The following KCNMB2 variants were observed in gnomAD, a reference collection of about 807,000 sequenced individuals.
KCNMB2 encodes the protein potassium calcium-activated channel subfamily M regulatory beta subunit 2, also known as calcium-activated potassium channel subunit beta-2.
A neutral mutation model predicts 24.5 loss-of-function variants in KCNMB2; 9 were observed. The ratio of observed to expected loss-of-function variants is 0.37; its 90% confidence interval spans 0.22 to 0.64. The LOEUF (loss-of-function observed/expected upper bound fraction) is 0.64, where lower values mean the gene tolerates loss of function less well. Among genes scored for constraint, KCNMB2 ranks in the 30% least tolerant of loss-of-function variants. KCNMB2 has a pLI of 0.63. For synonymous variants in KCNMB2, 109 were observed against 104.4 expected (o/e 1.04, Z -0.27); for missense variants, 226 against 284.3 (o/e 0.79, Z 1.47).
At position 178,607,651 on chromosome 3, in the gene KCNMB2, GTA is replaced by G. The variant is rs201032340; in HGVS notation, c.-68+70942_-68+70943del. Among the ~76,000 whole-genome samples, 1,194 of 148,376 alleles carry G rather than the reference GTA, an allele frequency of 8.0e-3. 16 individuals are homozygous for G. The highest frequency in any genetic ancestry group is 0.03 in the African/African-American group (1,142 of 37,970). On this transcript the variant is annotated intron_variant, in intron 1 of 4. Transcript: ENST00000452583. ...TGCGTGTGTGTGTGTGTGTGTGTGT[GTA>G]TGTGTGCATAAACACATACAAGTTT...
intron 4 of KCNMB2, among the ~76,000 whole-genome samples, chr3:178,833,224 G>C (rs1276033538): frequency 6.6e-6 from 1 of 152,030 alleles, no homozygotes; most frequent in Non-Finnish European, 1.5e-5. Context: ...AAGTGAATAG[G>C]GGAATTATCA....
At chr3:178,700,494 C>T (rs530453191) in intron 1 of KCNMB2, among the ~76,000 whole-genome samples, 4 of 152,324 alleles carry the variant, frequency 2.6e-5, no homozygotes, top group African/African-American at 9.6e-5. Context: ...ACTTTTCAGG[C>T]CATACAGTGA....
At chr3:178,705,502 G>C (rs1287837948) in intron 1 of KCNMB2, among the ~76,000 whole-genome samples, 1 of 152,116 alleles carries the variant, frequency 6.6e-6, no homozygotes, top group Non-Finnish European at 1.5e-5. Flanking sequence ...TAATATAAAT[G>C]AGAGAGTAGG....
intron 1 of KCNMB2, among the ~76,000 whole-genome samples, chr3:178,717,748 A>G (rs951907496): frequency 3.3e-5 from 5 of 152,182 alleles, no homozygotes; most frequent in African/African-American, 1.2e-4. Flanking sequence ...CAGGCACTCT[A>G]CTAGAGTAGT....
chr3:178,702,995 G>GA (rs1722154286), intron 1 of KCNMB2, among the ~76,000 whole-genome samples: 2 of 152,154 alleles, frequency 1.3e-5, no homozygotes, highest in Non-Finnish European at 2.9e-5. Flanking sequence ...GACAAGAGGA[G>GA]AAGGATGAAG....
chr3:178,636,395 C>G (rs568642948), intron 1 of KCNMB2, among the ~76,000 whole-genome samples: 1 of 151,616 alleles, frequency 6.6e-6, no homozygotes, highest in Non-Finnish European at 1.5e-5. Flanking sequence ...CAATAACTTA[C>G]GAAAAAAATA....
At chr3:178,602,314 T>C (rs1263934703) in intron 1 of KCNMB2, among the ~76,000 whole-genome samples, 1 of 152,132 alleles carries the variant, frequency 6.6e-6, no homozygotes, top group East Asian at 1.9e-4. Flanking sequence ...CAAAAAAATA[T>C]ATATATCGAT....
At chr3:178,634,934 C>A (rs773394276) in intron 1 of KCNMB2, among the ~76,000 whole-genome samples, 2 of 152,220 alleles carry the variant, frequency 1.3e-5, no homozygotes, top group Non-Finnish European at 1.5e-5. Context: ...ATAGAGGCAA[C>A]ATGGGGTGCA....
chr3:178,561,331 C>T (rs1245583348), intron 1 of KCNMB2, among the ~76,000 whole-genome samples: 2 of 152,150 alleles, frequency 1.3e-5, no homozygotes, highest in East Asian at 3.8e-4. Context: ...AGCACATGAT[C>T]CCCTTTGCTA....
intron 4 of KCNMB2, among the ~76,000 whole-genome samples, chr3:178,835,604 A>T (rs1715197941): frequency 6.6e-6 from 1 of 152,216 alleles, no homozygotes; most frequent in African/African-American, 2.4e-5. Flanking sequence ...TATGCTTAAT[A>T]AATATGTGCA....
chr3:178,587,601 GGT>G lies in KCNMB2; in HGVS notation c.-68+50891_-68+50892del, dbSNP rs1491461250. The stretch of plus-strand genomic sequence containing the variant: ...GCCACACCCGGCTAATTTTTTGGGT[GGT>G]TTTTTTTTTTTTTTGTATTTTTAGT... On this transcript the variant is annotated intron_variant, in intron 1 of 4. Coordinates refer to ENST00000452583, the MANE Select transcript of KCNMB2 (RefSeq NM_181361.3). Among the ~76,000 whole-genome samples the G allele has an allele frequency of 6.8e-5, 9 of 133,076 alleles. 1 individual carries two copies. Among genetic ancestry groups the G allele is most frequent in the Non-Finnish European group, 6.4e-5 (4 of 62,952 alleles). The allele number at this position is 133,076 out of a possible 152,430, so 87.3% of individuals were successfully genotyped here. A position where few individuals can be genotyped will look rare whatever the true frequency, so the allele number is the denominator to read the frequency against.
At chr3:178,754,290 A>G (rs1723954696) in intron 1 of KCNMB2, among the ~76,000 whole-genome samples, 1 of 151,500 alleles carries the variant, frequency 6.6e-6, no homozygotes, top group African/African-American at 2.4e-5. Context: ...GCTTCAATGA[A>G]CACAAGAGAC....
At chr3:178,627,781 G>A (rs898840266) in intron 1 of KCNMB2, among the ~76,000 whole-genome samples, 25 of 152,054 alleles carry the variant, frequency 1.6e-4, no homozygotes, top group Admixed American at 7.9e-4. Context: ...ATAAGTTGTC[G>A]CTTCTCAAAG....
At chr3:178,615,828 A>G (rs1050680565) in intron 1 of KCNMB2, among the ~76,000 whole-genome samples, 1 of 152,220 alleles carries the variant, frequency 6.6e-6, no homozygotes, top group African/African-American at 2.4e-5. Flanking sequence ...GCCTTGATAC[A>G]GTACCTGAGT....
chr3:178,826,999 A>G lies in KCNMB2; in HGVS notation c.228-1179A>G, dbSNP rs543440057. 3.9e-5 allele frequency among the ~76,000 whole-genome samples: 6 copies of G among 152,330 alleles called. No homozygotes were observed. In the East Asian group the frequency reaches 1.2e-3, roughly 29 times the overall value. ...GACCACCCATGTTCCAGGAAAATAC[A>G]GTTTGCCACACCAAGGGAGGGGATC... On this transcript the variant is annotated intron_variant, in intron 3 of 4. Coordinates refer to ENST00000452583, the MANE Select transcript of KCNMB2 (RefSeq NM_181361.3).
intron 2 of KCNMB2, among the ~76,000 whole-genome samples, chr3:178,815,517 T>A (rs938411186): frequency 6.6e-6 from 1 of 152,194 alleles, no homozygotes; most frequent in Non-Finnish European, 1.5e-5. Flanking sequence ...TTCTTTACAG[T>A]AAATATACTA....
intron 1 of KCNMB2, among the ~76,000 whole-genome samples, chr3:178,662,902 T>A (rs898379002): frequency 1.3e-4 from 20 of 152,232 alleles, no homozygotes; most frequent in African/African-American, 4.8e-4. Context: ...AATTGGGTCA[T>A]CCAATGTATC....
chr3:178,725,559 T>C (rs1342524236), intron 1 of KCNMB2, among the ~76,000 whole-genome samples: 1 of 152,026 alleles, frequency 6.6e-6, no homozygotes, highest in Non-Finnish European at 1.5e-5. Flanking sequence ...ACACGTGATA[T>C]CTTTCAACTA....
chr3:178,765,634 C>CACGTGT (rs1484984679), intron 1 of KCNMB2, among the ~76,000 whole-genome samples: 9 of 74,610 alleles, frequency 1.2e-4, no homozygotes, highest in African/African-American at 2.1e-4. Flanking sequence ...TGTGTGCACG[C>CACGTGT]GCGTGTGCAT....
Sources: allele counts gnomAD v4.1 joint callset (sites outside exome capture counted in the v4.1 genomes callset), GRCh38; gene constraint gnomAD v4.1.1; transcripts MANE v1.5; gene names NCBI Gene and HGNC (gene_info 2026-07-23, HGNC 2026-07-21).